The following SDHA variants were observed in gnomAD, a reference collection of about 807,000 sequenced individuals.
The protein encoded by SDHA is succinate dehydrogenase [ubiquinone] flavoprotein subunit, mitochondrial.
In SDHA, 48 loss-of-function variants were observed where a neutral mutation model predicts 78.4. The ratio of observed to expected loss-of-function variants is 0.61; its 90% CI spans 0.49 to 0.78. The LOEUF is 0.78. SDHA is among the 30% of genes least tolerant of loss of function. The pLI is 0.00. For missense variants in SDHA, 680 were observed against 892.7 expected, an observed-to-expected ratio of 0.76 and a Z score of 3.04; for synonymous variants, 326 against 353.9, an observed-to-expected ratio of 0.92 and a Z score of 0.88.
chr5:263,725 A>G, the SDHA span, among the ~76,000 whole-genome samples: 1 of 152,214 alleles, frequency 6.6e-6, no homozygotes, highest in Non-Finnish European at 1.5e-5. Context: ...TTTGTTTATG[A>G]AGCTGTGGGA....
chr5:249,727 CTGTG>C (rs1236899305), intron 11 of SDHA: 1 of 152,250 alleles, frequency 6.6e-6, no homozygotes. Flanking sequence ...TGCTGTATTT[CTGTG>C]TGTGTGTCTT....
rs1477229782 is a variant in SDHA at position 256,951 on chromosome 5, TGCACCACCATGCCCA to T, written c.*534_*548del. 6.6e-6 allele frequency among the ~76,000 whole-genome samples: 1 copy of T among 151,658 alleles called. No individual in the cohort carries two copies. The highest frequency in any genetic ancestry group is 1.5e-5 in the Non-Finnish European group (1 of 67,976). Reference sequence around the variant, plus strand: ...TTCTGAGTAGTTGGGGCTACAGGTGTGCACCACCATGCCCAGCTCATTTATTTTGTAATTGTAGGG... The same window carrying T: ...TTCTGAGTAGTTGGGGCTACAGGTGTGCTCATTTATTTTGTAATTGTAGGG... On this transcript the variant is annotated 3_prime_UTR_variant, in exon 15 of 15. Coordinates refer to ENST00000264932, the MANE Select transcript of SDHA (RefSeq NM_004168.4).
rs776409305 is a variant in SDHA, at chr5:251,487, C to T, written c.1794+19C>T. ...CTACAAGGTGGGCCTTCTCACCACG[C>T]CCACCTGCACCTGCCTTTTCCTGCC... is the stretch of plus-strand genomic sequence containing the variant. On this transcript the variant is annotated intron_variant, in intron 13 of 14. Coordinates refer to ENST00000264932, the MANE Select transcript of SDHA (RefSeq NM_004168.4). 3 of 1,613,810 alleles carry T rather than the reference C, an allele frequency of 1.9e-6. No individual in the cohort carries two copies. The highest frequency in any genetic ancestry group is 8.5e-7 in the Non-Finnish European group (1 of 1,179,828).
intron 14 of SDHA, 114 bp from the exon 15 acceptor site, chr5:256,220 T>G (rs1373116928): frequency 1.2e-6 from 1 of 816,500 alleles, no homozygotes; most frequent in African/African-American, 1.7e-5. Flanking sequence ...CTGAGAATCT[T>G]AAAGTTCACA....
the SDHA span, among the ~76,000 whole-genome samples, chr5:268,582 C>T: frequency 9.3e-4 from 142 of 152,272 alleles, no homozygotes; most frequent in African/African-American, 3.3e-3. Flanking sequence ...CTTGAATCTC[C>T]TCTTACTGCC....
At chr5:232,727 T>A (rs1324422749) in intron 7 of SDHA, among the ~76,000 whole-genome samples, 1 of 151,600 alleles carries the variant, frequency 6.6e-6, no homozygotes, top group African/African-American at 2.4e-5. Context: ...CCTTTTTGTA[T>A]ACTAATAAAA....
At chr5:234,422 A>AG in intron 8 of SDHA, 1 of 138,306 alleles carries the variant, frequency 7.2e-6, no homozygotes, top group East Asian at 2.0e-4. Flanking sequence ...CTGTCTCAAA[A>AG]AAAAAAAAAA....
At chr5:262,991 G>A in the SDHA span, among the ~76,000 whole-genome samples, 2 of 152,118 alleles carry the variant, frequency 1.3e-5, no homozygotes, top group African/African-American at 4.8e-5. Flanking sequence ...CCAGGCTGGA[G>A]TGCAGTGCTG....
intron 3 of SDHA, chr5:224,859 G>A: frequency 2.6e-6 from 1 of 389,150 alleles, no homozygotes; most frequent in Non-Finnish European, 4.9e-6. Context: ...TTAGGTTGGG[G>A]AAGAAAAGGG....
rs1734976756 is a variant in SDHA at position 225,705 on chromosome 5, T to C, written c.456+143T>C. ...GTTCACAAGAAGAGTCTTTTTCCGT[T>C]ATGAACTATGCATTATATGTAACAA... is the stretch of plus-strand genomic sequence containing the variant. On this transcript the variant is annotated intron_variant, in intron 4 of 14. Transcript: ENST00000264932. 29 of 1,356,158 alleles carry C rather than the reference T, an allele frequency of 2.1e-5. No individual in the cohort carries two copies. In the South Asian group the frequency reaches 3.5e-4, roughly 16 times the overall value. 84.0% of individuals were successfully genotyped at this position (1,356,158 alleles called of 1,614,324 possible).
At chr5:233,712 C>T (rs1325382011) in intron 8 of SDHA, 67 bp downstream of exon 8, 22 of 1,505,480 alleles carry the variant, frequency 1.5e-5, no homozygotes, top group Non-Finnish European at 1.9e-5. Flanking sequence ...CTGTGAGTTT[C>T]AGCACCGCTC....
At position 236,508 on chromosome 5, in the gene SDHA, T is replaced by C. The variant is rs2126589989; in HGVS notation, c.1341T>C (p.His447=). ...ACGEAACASV[H]GANRLGANSL... ...GGGAGGCCGCCTGTGCCTCGGTACA[T>C]GGTGCCAACCGCCTCGGGGCAAACT... Residue 447 remains histidine, a synonymous_variant, in exon 10 of 15, where the codon CAT becomes CAC. Transcript: ENST00000264932. The C allele has an allele frequency of 1.2e-6, 2 of 1,614,040 alleles. No individual in the cohort carries two copies. Among genetic ancestry groups the C allele is most frequent in the Middle Eastern group, 3.3e-4 (2 of 6,056 alleles).
At position 251,397 on chromosome 5, in the gene SDHA, G is replaced by A. The variant is rs1301370839; in HGVS notation, c.1723G>A (p.Ala575Thr). 6.2e-7 allele frequency: 1 copy of A among 1,613,916 alleles called. No homozygotes were observed. Among genetic ancestry groups the A allele is most frequent in the Non-Finnish European group, 8.5e-7 (1 of 1,179,856 alleles). Reference sequence around the variant, plus strand: ...GGAGCTGCAGAACCTGATGCTGTGTGCGCTGCAGACCATCTACGGAGCAGA... The same window carrying A: ...GGAGCTGCAGAACCTGATGCTGTGTACGCTGCAGACCATCTACGGAGCAGA... ...TLELQNLMLC[A>T]LQTIYGAEAR... Residue 575 changes from alanine to threonine, a missense_variant, in exon 13 of 15, where the codon GCG (alanine) becomes ACG (threonine). Coordinates refer to ENST00000264932, the MANE Select transcript of SDHA (RefSeq NM_004168.4).
chr5:223,459 A>T, intron 1 of SDHA, 23 bp from the exon 2 acceptor site: 1 of 1,537,802 alleles, frequency 6.5e-7, no homozygotes, highest in Non-Finnish European at 9.0e-7. Flanking sequence ...AACCCTCTGG[A>T]TCTGTGTCTT....
chr5:263,145 G>A, the SDHA span, among the ~76,000 whole-genome samples: 1 of 152,076 alleles, frequency 6.6e-6, no homozygotes, highest in African/African-American at 2.4e-5. Context: ...TCACCATCTT[G>A]CCCAGGCTGG....
At chr5:238,481 G>A (rs1408672982) in intron 10 of SDHA, among the ~76,000 whole-genome samples, 1 of 146,712 alleles carries the variant, frequency 6.8e-6, no homozygotes, top group African/African-American at 2.6e-5. Flanking sequence ...TCCCTCTGTC[G>A]CCCAGGCTGT....
chr5:265,551 C>T, the SDHA span, among the ~76,000 whole-genome samples: 36,631 of 152,088 alleles, frequency 0.24, 6,882 homozygotes, highest in African/African-American at 0.53. Context: ...GGAAACCTTG[C>T]TGATTAGGAA....
intron 7 of SDHA, among the ~76,000 whole-genome samples, chr5:232,370 C>A (rs1579400146): frequency 6.6e-6 from 1 of 152,000 alleles, no homozygotes; most frequent in Non-Finnish European, 1.5e-5. Flanking sequence ...GTTACCATGC[C>A]CAGCTAATTT....
At chr5:250,174 T>TA (rs1736723278) in intron 11 of SDHA, 1 of 152,370 alleles carries the variant, frequency 6.6e-6, no homozygotes, top group African/African-American at 2.4e-5. Context: ...ATTACAGTGT[T>TA]ACGATTATGT....
Sources: allele counts gnomAD v4.1 joint callset (sites outside exome capture counted in the v4.1 genomes callset), GRCh38; gene constraint gnomAD v4.1.1; transcripts MANE v1.5; gene names NCBI Gene and HGNC (gene_info 2026-07-23, HGNC 2026-07-21).